The following XYLT1 variants were observed in gnomAD, a reference collection of about 807,000 sequenced individuals.
XYLT1 encodes the protein xylosyltransferase 1.
In XYLT1, 36 loss-of-function variants were observed where a neutral mutation model predicts 91.3. That is an observed-to-expected ratio of 0.39 (90% CI 0.30 to 0.52). The LOEUF (loss-of-function observed/expected upper bound fraction) is 0.52, where lower values mean the gene tolerates loss of function less well. XYLT1 is among the 20% of genes least tolerant of loss of function. XYLT1 has a pLI of 0.68. For missense variants in XYLT1, 1,242 were observed against 1,284.5 expected, an observed-to-expected ratio of 0.97 and a Z score of 0.51; for synonymous variants, 588 against 532.0, an observed-to-expected ratio of 1.11 and a Z score of -1.45.
chr16:17,459,979 C>G (rs914530962), intron 1 of XYLT1, among the ~76,000 whole-genome samples: 2 of 152,200 alleles, frequency 1.3e-5, no homozygotes, highest in African/African-American at 4.8e-5. Flanking sequence ...AAGACATGAG[C>G]CCCGTCTTCC....
intron 5 of XYLT1, among the ~76,000 whole-genome samples, chr16:17,189,357 C>T (rs2141577541): frequency 6.6e-6 from 1 of 152,258 alleles, no homozygotes; most frequent in African/African-American, 2.4e-5. Flanking sequence ...TGGGAAAGGC[C>T]ATCAGGCCAA....
At chr16:17,267,468 T>G (rs1402703255) in intron 2 of XYLT1, among the ~76,000 whole-genome samples, 1 of 152,238 alleles carries the variant, frequency 6.6e-6, no homozygotes, top group Non-Finnish European at 1.5e-5. Flanking sequence ...AGTGCAGTGG[T>G]GCGATCACGC....
In XYLT1 at chr16:17,464,864, G is replaced by C. The variant is rs567954699; in HGVS notation, c.363+5570C>G. Among the ~76,000 whole-genome samples, 14 of 151,940 alleles carry C rather than the reference G, an allele frequency of 9.2e-5. No homozygotes were observed. In the East Asian group the frequency reaches 2.7e-3, roughly 30 times the overall value. ...GAGAAAAGTAGAATAAAGATTTTTGGGGCTGGGCAAAGTGGCTCAGGCCTG... is the reference window on the plus strand; with the variant it reads ...GAGAAAAGTAGAATAAAGATTTTTGCGGCTGGGCAAAGTGGCTCAGGCCTG... On this transcript the variant is annotated intron_variant, in intron 1 of 11. Transcript: ENST00000261381.
chr16:17,122,602 A>G (rs991645392), intron 10 of XYLT1, among the ~76,000 whole-genome samples: 9 of 152,064 alleles, frequency 5.9e-5, no homozygotes, highest in Non-Finnish European at 1.2e-4. Flanking sequence ...AGTCCTATCT[A>G]CTTATCTTTG....
intron 1 of XYLT1, among the ~76,000 whole-genome samples, chr16:17,412,406 A>G (rs1458243928): frequency 6.6e-6 from 1 of 152,020 alleles, no homozygotes; most frequent in Admixed American, 6.6e-5. Flanking sequence ...ACACATACCA[A>G]GGATTCCAGA....
At chr16:17,383,593 G>T (rs2035708869) in intron 1 of XYLT1, among the ~76,000 whole-genome samples, 1 of 151,806 alleles carries the variant, frequency 6.6e-6, no homozygotes, top group East Asian at 2.0e-4. Flanking sequence ...TTCAACAAAA[G>T]GAACATTTAC....
chr16:17,121,852 C>T (rs1376948526), intron 10 of XYLT1, among the ~76,000 whole-genome samples: 1 of 152,150 alleles, frequency 6.6e-6, no homozygotes, highest in Non-Finnish European at 1.5e-5. Context: ...ACAACGTTTG[C>T]TTTTCCATTC....
At chr16:17,444,783 C>G (rs891773715) in intron 1 of XYLT1, among the ~76,000 whole-genome samples, 2 of 152,164 alleles carry the variant, frequency 1.3e-5, no homozygotes, top group African/African-American at 4.8e-5. Context: ...ACAGATGTGT[C>G]GCAAGAACCT....
intron 2 of XYLT1, chr16:17,338,688 A>G: frequency 2.8e-6 from 1 of 359,466 alleles, no homozygotes; most frequent in South Asian, 2.1e-5. Flanking sequence ...TAGTTCAAGC[A>G]ATGCTCCCGT....
At chr16:17,237,834 TAA>T (rs1412440434) in intron 3 of XYLT1, among the ~76,000 whole-genome samples, 3 of 151,934 alleles carry the variant, frequency 2.0e-5, no homozygotes, top group African/African-American at 7.3e-5. Context: ...AGAGCCCAGG[TAA>T]AAGTCAGTAG....
In XYLT1 at chr16:17,245,377, C is replaced by T. The variant is rs1331320318; in HGVS notation, c.913+13611G>A. Among the ~76,000 whole-genome samples the T allele has an allele frequency of 3.3e-5, 5 of 152,202 alleles. No homozygotes were observed. In the East Asian group the frequency reaches 9.6e-4, roughly 29 times the overall value. ...TGAAAGGTTTCTCACTCTATCCATG[C>T]CACACTTGGAGGTGAGCTATTAATT... On this transcript the variant is annotated intron_variant, in intron 3 of 11. Coordinates refer to ENST00000261381, the MANE Select transcript of XYLT1 (RefSeq NM_022166.4).
intron 2 of XYLT1, chr16:17,338,099 G>C (rs1188937565): frequency 2.3e-6 from 1 of 434,926 alleles, no homozygotes; most frequent in South Asian, 1.7e-5. Context: ...CCTCAAATCT[G>C]TCCCCTCCTT....
At chr16:17,133,009 T>G (rs546788544) in intron 9 of XYLT1, among the ~76,000 whole-genome samples, 4 of 152,318 alleles carry the variant, frequency 2.6e-5, no homozygotes, top group Admixed American at 1.3e-4. Context: ...ATTTCACAGA[T>G]GAGGAAACCG....
At chr16:17,371,349 C>T (rs966921293) in intron 1 of XYLT1, among the ~76,000 whole-genome samples, 2 of 152,164 alleles carry the variant, frequency 1.3e-5, no homozygotes, top group Non-Finnish European at 1.5e-5. Context: ...CCAAAATCAA[C>T]GGAAACCCAA....
chr16:17,150,471 G>A (rs962736228), intron 6 of XYLT1, among the ~76,000 whole-genome samples: 21 of 152,298 alleles, frequency 1.4e-4, no homozygotes, highest in African/African-American at 4.6e-4. Context: ...GACAAAAAGC[G>A]TAAATAATAA....
At chr16:17,134,838 A>G (rs1235380541) in intron 8 of XYLT1, 103 bp from the exon 9 acceptor site, 3 of 1,411,938 alleles carry the variant, frequency 2.1e-6, no homozygotes, top group Non-Finnish European at 2.9e-6. Flanking sequence ...GCTCTGCTGG[A>G]CCCGAATTAG....
intron 1 of XYLT1, among the ~76,000 whole-genome samples, chr16:17,443,907 C>G (rs1361502032): frequency 6.6e-6 from 1 of 152,190 alleles, no homozygotes; most frequent in Non-Finnish European, 1.5e-5. Flanking sequence ...ATGACACTCT[C>G]AATAAAATCC....
At chr16:17,191,794 G>T (rs2032315496) in intron 5 of XYLT1, among the ~76,000 whole-genome samples, 2 of 152,210 alleles carry the variant, frequency 1.3e-5, no homozygotes, top group Admixed American at 1.3e-4. Context: ...CAGACATTTG[G>T]ATCTGCAGTT....
intron 1 of XYLT1, among the ~76,000 whole-genome samples, chr16:17,465,261 G>A (rs938577173): frequency 6.6e-6 from 1 of 151,828 alleles, no homozygotes; most frequent in Non-Finnish European, 1.5e-5. Flanking sequence ...TTTGGAAAGG[G>A]GCAGGCCTGG....
Sources: allele counts gnomAD v4.1 joint callset (sites outside exome capture counted in the v4.1 genomes callset), GRCh38; gene constraint gnomAD v4.1.1; transcripts MANE v1.5; gene names NCBI Gene and HGNC (gene_info 2026-07-23, HGNC 2026-07-21).